Variants in VRK2 observed in about 807,000 individuals in gnomAD.
VRK2 encodes VRK serine/threonine kinase 2, also known as serine/threonine-protein kinase VRK2.
A neutral mutation model predicts 57.6 loss-of-function variants in VRK2; 60 were observed. The observed-to-expected ratio is 1.04, with a 90% CI of 0.85 to 1.29. VRK2 has a LOEUF of 1.29. Ranked by LOEUF, VRK2 falls within the 50% of genes most tolerant of loss-of-function variation. The pLI is 0.00. For synonymous variants in VRK2, 231 were observed against 199.2 expected (o/e 1.16, Z -1.35); for missense variants, 705 against 588.1 (o/e 1.20, Z -2.06).
intron 2 of VRK2, among the ~76,000 whole-genome samples, chr2:58,055,447 G>A (rs1457897524): frequency 6.6e-6 from 1 of 152,228 alleles, no homozygotes; most frequent in East Asian, 1.9e-4. Flanking sequence ...AGCTCCTGTG[G>A]CTGTGTCAGG....
At chr2:58,093,732 C>G (rs1477577599) in intron 7 of VRK2, among the ~76,000 whole-genome samples, 1 of 152,146 alleles carries the variant, frequency 6.6e-6, no homozygotes, top group African/African-American at 2.4e-5. Flanking sequence ...GTCATGAAGT[C>G]CTTGCCCATG....
chr2:58,064,293 G>A (rs540150591), intron 2 of VRK2, among the ~76,000 whole-genome samples: 1 of 152,062 alleles, frequency 6.6e-6, no homozygotes, highest in Admixed American at 6.6e-5. Context: ...GAAATCTTTT[G>A]TGAGAGCGAG....
intron 7 of VRK2, among the ~76,000 whole-genome samples, chr2:58,122,033 C>T (rs1677591533): frequency 1.3e-5 from 2 of 152,214 alleles, no homozygotes; most frequent in South Asian, 2.1e-4. Flanking sequence ...AATCTGTATT[C>T]TGTTTGGAGA....
intron 1 of VRK2, among the ~76,000 whole-genome samples, chr2:57,963,212 T>C (rs1276590710): frequency 6.6e-6 from 1 of 152,212 alleles, no homozygotes; most frequent in Non-Finnish European, 1.5e-5. Flanking sequence ...ATAGCCACCA[T>C]TCAAACTGTA....
At chr2:58,159,221 A>G (rs1435084269) in intron 12 of VRK2, 128 bp from the exon 13 acceptor site, 1 of 675,090 alleles carries the variant, frequency 1.5e-6, no homozygotes, top group Non-Finnish European at 2.4e-6. Context: ...ATTACTTCTC[A>G]GGAAAAATAA....
At chr2:57,983,166 A>T (rs1158418978) in intron 1 of VRK2, among the ~76,000 whole-genome samples, 1 of 151,780 alleles carries the variant, frequency 6.6e-6, no homozygotes, top group African/African-American at 2.4e-5. Context: ...GAGTATGCTG[A>T]TCTACTTGAG....
rs201312947 is a variant in VRK2 at position 58,137,222 on chromosome 2, A to C, written c.856+2023A>C. Among the ~76,000 whole-genome samples the C allele has an allele frequency of 9.3e-4, 7 of 7,512 alleles. 1 individual carries two copies. The highest frequency in any genetic ancestry group is 5.1e-3 in the East Asian group (1 of 198). The allele number at this position is 7,512 out of a possible 152,430, so 4.9% of individuals were successfully genotyped here. A position where few individuals can be genotyped will look rare whatever the true frequency, so the allele number is the denominator to read the frequency against. ...TATATCTCATATATGATACATATAT[A>C]TCATATGATACATATATATCATATA... On this transcript the variant is annotated intron_variant, in intron 10 of 12. Transcript: ENST00000340157.
chr2:57,989,497 G>T (rs1368248468), intron 1 of VRK2, among the ~76,000 whole-genome samples: 1 of 152,108 alleles, frequency 6.6e-6, no homozygotes, highest in East Asian at 1.9e-4. Context: ...GTGATCATAT[G>T]ACTTCAATCT....
At chr2:58,047,333 T>C in intron 1 of VRK2, 5 of 781,706 alleles carry the variant, frequency 6.4e-6, no homozygotes, top group Non-Finnish European at 7.8e-6. Flanking sequence ...GGGTACCAGT[T>C]TGCTCGGAAA....
chr2:58,144,065 G>T (rs1426852711), intron 11 of VRK2, among the ~76,000 whole-genome samples: 1 of 151,224 alleles, frequency 6.6e-6, no homozygotes, highest in Non-Finnish European at 1.5e-5. Flanking sequence ...ATATTATTCA[G>T]CCATAAAAAG....
intron 1 of VRK2, among the ~76,000 whole-genome samples, chr2:57,967,656 A>G (rs1671965596): frequency 6.6e-6 from 1 of 151,392 alleles, no homozygotes; most frequent in Non-Finnish European, 1.5e-5. Flanking sequence ...TACCAATGCT[A>G]AGGTTAGAGC....
intron 2 of VRK2, among the ~76,000 whole-genome samples, chr2:58,054,411 A>G (rs1467798058): frequency 2.6e-5 from 4 of 151,670 alleles, no homozygotes; most frequent in Non-Finnish European, 5.9e-5. Context: ...TTAATTTGAA[A>G]CATATTGCTG....
chr2:58,144,647 T>C (rs1227280324), intron 11 of VRK2, among the ~76,000 whole-genome samples: 1 of 151,992 alleles, frequency 6.6e-6, no homozygotes, highest in Non-Finnish European at 1.5e-5. Context: ...GACCCTTTGT[T>C]TCACACTAAT....
intron 1 of VRK2, among the ~76,000 whole-genome samples, chr2:57,942,350 T>C (rs950043907): frequency 1.1e-4 from 16 of 152,226 alleles, no homozygotes; most frequent in African/African-American, 3.6e-4. Flanking sequence ...AATCAGCTAG[T>C]TGCCATTATG....
intron 2 of VRK2, among the ~76,000 whole-genome samples, chr2:58,030,441 A>G (rs538233736): frequency 2.6e-5 from 4 of 152,060 alleles, no homozygotes; most frequent in Non-Finnish European, 5.9e-5. Flanking sequence ...CTTCTCTTTC[A>G]TTTAAATAAT....
intron 2 of VRK2, among the ~76,000 whole-genome samples, chr2:58,056,221 C>T (rs1347713783): frequency 1.3e-5 from 2 of 152,082 alleles, no homozygotes; most frequent in African/African-American, 2.4e-5. Flanking sequence ...GCCTTATAGC[C>T]GTTGCTTTTG....
intron 7 of VRK2, among the ~76,000 whole-genome samples, chr2:58,092,758 C>T (rs376258941): frequency 4.4e-4 from 67 of 152,206 alleles, no homozygotes; most frequent in African/African-American, 5.8e-4. Flanking sequence ...TGGTGTGCTG[C>T]GCCCATGAAC....
intron 2 of VRK2, among the ~76,000 whole-genome samples, chr2:58,063,306 G>A (rs13419989): frequency 3.3e-5 from 5 of 150,678 alleles, no homozygotes; most frequent in African/African-American, 1.2e-4. Flanking sequence ...GGAGAAGAGG[G>A]TAGATGAAGA....
chr2:58,068,383 T>G (rs1259305324), intron 2 of VRK2, among the ~76,000 whole-genome samples: 4 of 152,206 alleles, frequency 2.6e-5, no homozygotes, highest in Non-Finnish European at 4.4e-5. Context: ...TTTCTGATGA[T>G]AAATTTGCAG....
Sources: allele counts gnomAD v4.1 joint callset (sites outside exome capture counted in the v4.1 genomes callset), GRCh38; gene constraint gnomAD v4.1.1; transcripts MANE v1.5; gene names NCBI Gene and HGNC (gene_info 2026-07-23, HGNC 2026-07-21).